Variants in PLXNB1 observed in about 807,000 individuals in gnomAD.
The protein encoded by PLXNB1 is plexin-B1.
PLXNB1 carries 106 observed loss-of-function variants against 209.4 expected under a neutral mutation model. That is an observed-to-expected ratio of 0.51 (90% CI 0.43 to 0.59). PLXNB1 has a LOEUF of 0.59. PLXNB1 is among the 20% of genes least tolerant of loss of function. The pLI, the probability that PLXNB1 is intolerant of heterozygous loss-of-function variation, is 0.00. For missense variants in PLXNB1, 2,357 were observed against 2,853.2 expected, an observed-to-expected ratio of 0.83 and a Z score of 3.96; for synonymous variants, 1,167 against 1,183.2, an observed-to-expected ratio of 0.99 and a Z score of 0.28.
chr3:48,427,196 A>G (rs945945864), intron 1 of PLXNB1, among the ~76,000 whole-genome samples: 7 of 151,458 alleles, frequency 4.6e-5, no homozygotes, highest in African/African-American at 1.7e-4. Context: ...AACAAAAACA[A>G]AAAAAAAACA....
At position 48,418,048 on chromosome 3, in the gene PLXNB1, A is replaced by T. The variant is rs1336272870; in HGVS notation, c.3237T>A (p.Thr1079=). The T allele has an allele frequency of 6.2e-7, 1 of 1,612,998 alleles. No individual in the cohort carries two copies. The highest frequency in any genetic ancestry group is 1.3e-5 in the African/African-American group (1 of 74,940). ...CACGGGTGCCTCCGTCTACAGGCCC[A>T]GTCAGTGGCTCCACCTGTTCCAGGA... ...APLIHSVEPL[T]GPVDGGTRVT... Residue 1079 remains threonine (T), a synonymous_variant, in exon 16 of 38, where the codon ACT becomes ACA. Coordinates refer to ENST00000296440, the MANE Select transcript of PLXNB1 (RefSeq NM_001130082.3). The surrounding 1 kb of genome is among the most constrained non-coding windows in gnomAD (Gnocchi z 6.6).
At chr3:48,412,164 G>A in intron 27 of PLXNB1, 74 bp downstream of exon 27, 1 of 1,533,292 alleles carries the variant, frequency 6.5e-7, no homozygotes, top group Admixed American at 1.7e-5. Context: ...GAGCTGCATG[G>A]TGGCTGAGGG....
Position 48,409,177 on chromosome 3 carries a change from C to G in PLXNB1, c.6087+152G>C, listed in dbSNP as rs1024703050. 6 of 835,514 alleles carry G rather than the reference C, an allele frequency of 7.2e-6. No homozygotes were observed. Among genetic ancestry groups the G allele is most frequent in the Non-Finnish European group, 9.3e-6 (5 of 540,096 alleles). The allele number at this position is 835,514 out of a possible 1,614,324, so 51.8% of individuals were successfully genotyped here. On this transcript the variant is annotated intron_variant, in intron 34 of 37. Transcript: ENST00000296440. This position sits in a 1 kb window ranked among gnomAD's most constrained non-coding sequence, Gnocchi z 5.8. The stretch of plus-strand genomic sequence containing the variant: ...CCCTCCTCTTGCTCATCCCTTAAAA[C>G]TGAGGTGGCCCCGGGATGAAGCCTT...
chr3:48,423,623 T>C lies in PLXNB1; in HGVS notation c.989A>G (p.Asp330Gly). Residue 330 changes from aspartate to glycine, a missense_variant, in exon 3 of 38, where the codon GAC becomes GGC. Asp to Gly is a moderately conservative substitution (Grantham distance 94, BLOSUM62 -1). This residue lies in a region of PLXNB1 where 404 missense variants were observed against 443.6 expected (regional missense o/e 0.91). Transcript: ENST00000296440. ...ATCTCGCGTGCGATTAGCAAGCCGG[T>C]CCACCTCATCCAGGGGGAAGGCACA... The part of the protein sequence containing the change: ...ALCAFPLDEV[D>G]RLANRTRDAC... The C allele has an allele frequency of 1.9e-6, 3 of 1,614,212 alleles. No homozygotes were observed. The highest frequency in any genetic ancestry group is 2.5e-6 in the Non-Finnish European group (3 of 1,180,038).
chr3:48,413,412 C>A lies in PLXNB1; in HGVS notation c.4536-243G>T, dbSNP rs965267156. 41 of 602,450 alleles carry A rather than the reference C, an allele frequency of 6.8e-5. No homozygotes were observed. Among genetic ancestry groups the A allele is most frequent in the Non-Finnish European group, 1.2e-4 (41 of 340,952 alleles). The allele number at this position is 602,450 out of a possible 1,614,324, so 37.3% of individuals were successfully genotyped here. A position where few individuals can be genotyped will look rare whatever the true frequency, so the allele number is the denominator to read the frequency against. On this transcript the variant is annotated intron_variant, in intron 23 of 37. Transcript: ENST00000296440. The surrounding 1 kb of genome is among the most constrained non-coding windows in gnomAD (Gnocchi z 5.4). Reference sequence around the variant, plus strand: ...TCAGCCAACCACAACCAGGCCAAATCCATCCCACAACCTATTTTTATAAAG... The same window carrying A: ...TCAGCCAACCACAACCAGGCCAAATACATCCCACAACCTATTTTTATAAAG...
In PLXNB1 at chr3:48,416,459, C is replaced by A; in HGVS notation, c.3375-8G>T. On this transcript the variant is annotated splice_region_variant and splice_polypyrimidine_tract_variant and intron_variant, in intron 16 of 37. Coordinates refer to ENST00000296440, the MANE Select transcript of PLXNB1 (RefSeq NM_001130082.3). The surrounding 1 kb of genome is among the most constrained non-coding windows in gnomAD (Gnocchi z 4.1). ...CCGGTGATGCACACGAGGCTGTAGG[C>A]ACAGGGCAGGCTAGGGGGTGCCAGG... 6.2e-7 allele frequency: 1 copy of A among 1,605,454 alleles called. No individual in the cohort carries two copies. The highest frequency in any genetic ancestry group is 1.1e-5 in the South Asian group (1 of 90,484).
Position 48,420,875 on chromosome 3 carries a change from G to A in PLXNB1, c.1892C>T (p.Ala631Val), listed in dbSNP as rs374413275. The A allele has an allele frequency of 1.7e-5, 28 of 1,613,858 alleles. No homozygotes were observed. Among genetic ancestry groups the A allele is most frequent in the Non-Finnish European group, 8.5e-6 (10 of 1,179,838 alleles). The change falls in exon 9 of 38, where the codon GCG becomes GTG. Residue 631 changes from alanine to valine, a missense_variant. Around this residue, in one of 7 missense-constraint regions of PLXNB1, gnomAD observed 214 missense variants for 297.1 expected, o/e 0.72. Transcript: ENST00000296440. ...KTSLSFYDCV[A>V]VTELRPSAQC... Reference sequence around the variant, plus strand: ...CGCAGATGGGCGGAGTTCAGTGACCGCCACACAGTCATAGAAAGAGAGGGA... The same window carrying A: ...CGCAGATGGGCGGAGTTCAGTGACCACCACACAGTCATAGAAAGAGAGGGA...
chr3:48,418,512 G>A lies in PLXNB1; in HGVS notation c.2986C>T (p.Arg996Cys), dbSNP rs558173010. The A allele has an allele frequency of 6.3e-5, 101 of 1,609,298 alleles. No homozygotes were observed. The highest frequency in any genetic ancestry group is 4.9e-4 in the South Asian group (44 of 90,430). The change falls in exon 14 of 38, where the codon CGT becomes TGT. Residue 996 changes from arginine (R) to cysteine (C), a missense_variant. Coordinates refer to ENST00000296440, the MANE Select transcript of PLXNB1 (RefSeq NM_001130082.3). This position sits in a 1 kb window ranked among gnomAD's most constrained non-coding sequence, Gnocchi z 6.6. ...LSYEALQPEL[R>C]VGLFLRRAGR... is the part of the protein sequence containing the mutation. ...GCCCGACGCAGAAACAGCCCCACAC[G>A]GAGCTCCGGCTGCAGAGCCTCATAG...
At position 48,406,317 on chromosome 3, in the gene PLXNB1, C is replaced by T. The variant is rs2037313369; in HGVS notation, c.6228+506G>A. 6.6e-6 allele frequency among the ~76,000 whole-genome samples: 1 copy of T among 152,220 alleles called. No homozygotes were observed. The highest frequency in any genetic ancestry group is 1.5e-5 in the Non-Finnish European group (1 of 68,034). On this transcript the variant is annotated intron_variant, in intron 36 of 37. Coordinates refer to ENST00000296440, the MANE Select transcript of PLXNB1 (RefSeq NM_001130082.3). The surrounding 1 kb of genome is among the most constrained non-coding windows in gnomAD (Gnocchi z 4.4). ...TAGCTTGTGGAGTTCTTGTGAGGAT[C>T]AAATAAGACAATCAAAGCACCCCAT... is the stretch of plus-strand genomic sequence containing the variant.
chr3:48,405,677 G>T lies in PLXNB1; in HGVS notation c.6303+47C>A. 7 of 1,467,180 alleles carry T rather than the reference G, an allele frequency of 4.8e-6. No individual in the cohort carries two copies. The highest frequency in any genetic ancestry group is 4.8e-6 in the Non-Finnish European group (5 of 1,051,278). The allele number at this position is 1,467,180 out of a possible 1,614,324, so 90.9% of individuals were successfully genotyped here. A position where few individuals can be genotyped will look rare whatever the true frequency, so the allele number is the denominator to read the frequency against. On this transcript the variant is annotated intron_variant, in intron 37 of 37. Transcript: ENST00000296440. This position sits in a 1 kb window ranked among gnomAD's most constrained non-coding sequence, Gnocchi z 5.0. ...AGGGTCAGAGCCCCTTAAGTCTCCT[G>T]GGAGGCCTTGGGTCAGCCTCCCAGT... is the stretch of plus-strand genomic sequence containing the variant.
rs61729217 is a variant in PLXNB1 at position 48,422,376 on chromosome 3, G to T, written c.1374C>A (p.Thr458=). Reference sequence around the variant, plus strand: ...ACAGGTGCTCAAAGGTCCCATCAAAGGTGAGGTCTCTGCTCACTGCAGACC... The same window carrying T: ...ACAGGTGCTCAAAGGTCCCATCAAATGTGAGGTCTCTGCTCACTGCAGACC... ...QQGSAVSRDL[T]FDGTFEHLYV... is the part of the protein sequence containing the mutation. Residue 458 remains threonine (T), a synonymous_variant, in exon 5 of 38, where the codon ACC becomes ACA. Transcript: ENST00000296440. 17,579 of 1,609,122 alleles carry T rather than the reference G, an allele frequency of 0.011. 986 individuals are homozygous for T. In the African/African-American group the frequency reaches 0.15, roughly 14 times the overall value.
At position 48,423,707 on chromosome 3, in the gene PLXNB1, G is replaced by T. The variant is rs766344608; in HGVS notation, c.905C>A (p.Pro302His). 3.1e-6 allele frequency: 5 copies of T among 1,613,766 alleles called. No homozygotes were observed. In the South Asian group the frequency reaches 5.5e-5, roughly 18 times the overall value. ...CGATGGGGGCCGGCCCACAGTGGGGGGTGCAGCCGAGGAGAAAGCTGCAAA... is the reference window on the plus strand; with the variant it reads ...CGATGGGGGCCGGCCCACAGTGGGGTGTGCAGCCGAGGAGAAAGCTGCAAA... ...VLFAAFSSAA[P>H]PTVGRPPSAA... is the part of the protein sequence containing the mutation. The change falls in exon 3 of 38, where the codon CCC becomes CAC. Residue 302 changes from proline to histidine, a missense_variant. Physicochemically the swap from Pro to His is moderately conservative, Grantham distance 77. Coordinates refer to ENST00000296440, the MANE Select transcript of PLXNB1 (RefSeq NM_001130082.3).
Position 48,406,052 on chromosome 3 carries a change from C to T in PLXNB1, c.6229-254G>A. ...GACAGCCCAGGTCTACCTGCTTCAG[C>T]AAGGTCTGGGGTTTCCACTGAAGCC... On this transcript the variant is annotated intron_variant, in intron 36 of 37. Coordinates refer to ENST00000296440, the MANE Select transcript of PLXNB1 (RefSeq NM_001130082.3). This position sits in a 1 kb window ranked among gnomAD's most constrained non-coding sequence, Gnocchi z 4.4. The T allele has an allele frequency of 4.6e-6, 2 of 433,614 alleles. No individual in the cohort carries two copies. Among genetic ancestry groups the T allele is most frequent in the African/African-American group, 2.0e-5 (1 of 49,702 alleles). The allele number at this position is 433,614 out of a possible 1,614,324, so 26.9% of individuals were successfully genotyped here.
In PLXNB1 at chr3:48,413,216, C is replaced by T. The variant is rs1188553282; in HGVS notation, c.4536-47G>A. On this transcript the variant is annotated intron_variant, in intron 23 of 37. Transcript: ENST00000296440. The surrounding 1 kb of genome is among the most constrained non-coding windows in gnomAD (Gnocchi z 5.4). ...AGAGGATGGCCAGATGAGTCCTACT[C>T]GCCCAGGCCTGCCTGACAATCCCCA... 4 of 1,452,626 alleles carry T rather than the reference C, an allele frequency of 2.8e-6. No homozygotes were observed. Among genetic ancestry groups the T allele is most frequent in the Non-Finnish European group, 3.8e-6 (4 of 1,043,062 alleles). The allele number at this position is 1,452,626 out of a possible 1,614,324, so 90.0% of individuals were successfully genotyped here. A position where few individuals can be genotyped will look rare whatever the true frequency, so the allele number is the denominator to read the frequency against.
At chr3:48,414,490 C>T (rs1388796031) in intron 21 of PLXNB1, among the ~76,000 whole-genome samples, 1 of 152,232 alleles carries the variant, frequency 6.6e-6, no homozygotes, top group East Asian at 1.9e-4. Context: ...CAACGGGGGT[C>T]AGCCCGATGG....
In PLXNB1 at chr3:48,416,117, G is replaced by T; in HGVS notation, c.3531C>A (p.Gly1177=). The part of the protein sequence containing the change: ...IFPARGPRAG[G]TRLTLNGSKL... Reference sequence around the variant, plus strand: ...TGGAGCCATTCAGGGTGAGACGGGTGCCCCCAGCTCTGGGGCCGCGGGCCG... The same window carrying T: ...TGGAGCCATTCAGGGTGAGACGGGTTCCCCCAGCTCTGGGGCCGCGGGCCG... The change falls in exon 18 of 38, where the codon GGC becomes GGA. Residue 1177 remains glycine (G), a synonymous_variant. Transcript: ENST00000296440. The surrounding 1 kb of genome is among the most constrained non-coding windows in gnomAD (Gnocchi z 4.1). 6.3e-7 allele frequency: 1 copy of T among 1,599,122 alleles called. No individual in the cohort carries two copies. Among genetic ancestry groups the T allele is most frequent in the Non-Finnish European group, 8.5e-7 (1 of 1,173,118 alleles).
In PLXNB1 at chr3:48,415,250, G is replaced by A. The variant is rs1560056996; in HGVS notation, c.3892C>T (p.Gln1298Ter). 1.2e-6 allele frequency: 2 copies of A among 1,613,536 alleles called. No individual in the cohort carries two copies. Among genetic ancestry groups the A allele is most frequent in the Non-Finnish European group, 1.7e-6 (2 of 1,180,010 alleles). Residue 1298 changes from glutamine to a stop codon, truncating the protein, a stop_gained, in exon 20 of 38, where the codon CAG becomes TAG. Coordinates refer to ENST00000296440, the MANE Select transcript of PLXNB1 (RefSeq NM_001130082.3). LOFTEE classifies it high-confidence loss of function. The surrounding 1 kb of genome is among the most constrained non-coding windows in gnomAD (Gnocchi z 5.0). Reference protein sequence around the residue: ...TVVSRMLQPSQGLGRRRRVVP... With the variant: ...TVVSRMLQPS ...ACGCGACGCCTCCGTCCAAGCCCCTGGCTGGGCTGCAGCATTCTCGAGACC... is the reference window on the plus strand; with the variant it reads ...ACGCGACGCCTCCGTCCAAGCCCCTAGCTGGGCTGCAGCATTCTCGAGACC...
chr3:48,422,578 G>A, intron 4 of PLXNB1, 119 bp from the exon 5 acceptor site: 2 of 1,346,724 alleles, frequency 1.5e-6, no homozygotes, highest in Admixed American at 2.6e-5. Flanking sequence ...GCAGTCACAG[G>A]TCATACCAAC....
chr3:48,422,478 G>A lies in PLXNB1; in HGVS notation c.1291-19C>T. On this transcript the variant is annotated intron_variant, in intron 4 of 37. Transcript: ENST00000296440. ...AGTAGACCTGGGATCAGAGACCACA[G>A]GGTCTGGGACCCAAGTCCATGGCCA... is the stretch of plus-strand genomic sequence containing the variant. 1 of 1,564,536 alleles carries A rather than the reference G, an allele frequency of 6.4e-7. No homozygotes were observed. The highest frequency in any genetic ancestry group is 8.6e-7 in the Non-Finnish European group (1 of 1,157,052).
Sources: allele counts gnomAD v4.1 joint callset (sites outside exome capture counted in the v4.1 genomes callset), GRCh38; gene constraint gnomAD v4.1.1; regional missense constraint gnomAD v4.1.1; non-coding constraint Gnocchi (gnomAD v3.1); transcripts MANE v1.5; gene names NCBI Gene and HGNC (gene_info 2026-07-23, HGNC 2026-07-21).